The following GOT1 variants were observed in gnomAD, a reference collection of about 807,000 sequenced individuals.
GOT1 encodes aspartate aminotransferase, cytoplasmic.
Under a neutral mutation model 48.2 loss-of-function variants are expected in GOT1, and 25 were observed. The observed-to-expected ratio is 0.52, with a 90% confidence interval of 0.38 to 0.72. The LOEUF (loss-of-function observed/expected upper bound fraction) is 0.72. GOT1 is among the 30% of genes least tolerant of loss of function. The pLI, the probability that GOT1 is intolerant of heterozygous loss-of-function variation, is 0.00. For missense variants in GOT1, 380 were observed against 520.1 expected (o/e 0.73, Z 2.62); for synonymous variants, 188 against 193.8 (o/e 0.97, Z 0.25).
intron 7 of GOT1, among the ~76,000 whole-genome samples, chr10:99,403,106 TG>T (rs10716499): frequency 0.034 from 5,122 of 152,318 alleles, 300 homozygotes; most frequent in African/African-American, 0.12. Flanking sequence ...ATAAAGTGTA[TG>T]TAAATTACAG....
At chr10:99,426,932 A>G (rs2033044203) in intron 1 of GOT1, among the ~76,000 whole-genome samples, 1 of 152,184 alleles carries the variant, frequency 6.6e-6, no homozygotes, top group African/African-American at 2.4e-5. Flanking sequence ...CCTAAGGTCA[A>G]TGATTAATTA....
At chr10:99,424,602 A>C (rs2033014203) in intron 1 of GOT1, among the ~76,000 whole-genome samples, 1 of 152,246 alleles carries the variant, frequency 6.6e-6, no homozygotes, top group Non-Finnish European at 1.5e-5. Flanking sequence ...CTATGAATAA[A>C]TAAAATATGA....
intron 8 of GOT1, among the ~76,000 whole-genome samples, chr10:99,399,666 C>T (rs751500673): frequency 1.9e-4 from 29 of 151,962 alleles, no homozygotes; most frequent in Non-Finnish European, 3.2e-4. Context: ...CCAGGTACTA[C>T]GAAGGCTGAG....
intron 8 of GOT1, among the ~76,000 whole-genome samples, chr10:99,398,352 A>C (rs545755268): frequency 6.6e-5 from 10 of 152,306 alleles, no homozygotes; most frequent in Admixed American, 2.6e-4. Context: ...CAGTTTTGCT[A>C]TTTGGCAAAT....
intron 2 of GOT1, 186 bp downstream of exon 2, chr10:99,420,438 G>A (rs773401472): frequency 1.8e-6 from 1 of 551,482 alleles, no homozygotes; most frequent in Non-Finnish European, 3.2e-6. Context: ...CTGAACAAGT[G>A]AAAAAGCCGT....
intron 2 of GOT1, among the ~76,000 whole-genome samples, chr10:99,408,619 T>C (rs2134100215): frequency 6.6e-6 from 1 of 152,290 alleles, no homozygotes; most frequent in South Asian, 2.1e-4. Context: ...CTCGGGAGGC[T>C]GAGACGTGAG....
chr10:99,420,891 A>T, intron 1 of GOT1, 86 bp from the exon 2 acceptor site: 1 of 1,075,572 alleles, frequency 9.3e-7, no homozygotes, highest in Non-Finnish European at 1.4e-6. Context: ...GGAGAATCCC[A>T]CCACCTTCCG....
At chr10:99,403,699 T>C in intron 6 of GOT1, 25 bp downstream of exon 6, 1 of 1,613,806 alleles carries the variant, frequency 6.2e-7, no homozygotes, top group Non-Finnish European at 8.5e-7. Context: ...GAGGTGGGGC[T>C]GTAACTCCTC....
chr10:99,401,439 T>C (rs1476838913), intron 8 of GOT1, among the ~76,000 whole-genome samples: 2 of 152,184 alleles, frequency 1.3e-5, no homozygotes. Flanking sequence ...CCTCTGCCGT[T>C]CTGCCTACAA....
At chr10:99,411,560 C>G (rs1468993054) in intron 2 of GOT1, among the ~76,000 whole-genome samples, 1 of 152,358 alleles carries the variant, frequency 6.6e-6, no homozygotes, top group African/African-American at 2.4e-5. Context: ...ACTGTATCCA[C>G]TCCTAGAATT....
At chr10:99,420,558 CTG>C in intron 2 of GOT1, 64 bp downstream of exon 2, 1 of 1,223,196 alleles carries the variant, frequency 8.2e-7, no homozygotes, top group Non-Finnish European at 1.2e-6. Flanking sequence ...TTTAAACAAA[CTG>C]TATTCTCAAC....
rs1171081095 is a variant in GOT1 at position 99,406,155 on chromosome 10, G to A, written c.519C>T (p.Gly173=). Residue 173 remains glycine, a synonymous_variant, in exon 4 of 9, where the codon GGC becomes GGT. Transcript: ENST00000370508. The part of the protein sequence containing the change: ...DAEKRGLDLQ[G]FLNDLENAPE... ...CACCCACCTCCAGATCATTCAGGAAGCCCTGGAGGTCCAATCCTCTCTTCT... is the reference window on the plus strand; with the variant it reads ...CACCCACCTCCAGATCATTCAGGAAACCCTGGAGGTCCAATCCTCTCTTCT... 6.2e-7 allele frequency: 1 copy of A among 1,607,222 alleles called. No individual in the cohort carries two copies. The highest frequency in any genetic ancestry group is 8.5e-7 in the Non-Finnish European group (1 of 1,173,706).
chr10:99,407,599 AT>A (rs1564970578), intron 2 of GOT1, among the ~76,000 whole-genome samples: 1 of 151,560 alleles, frequency 6.6e-6, no homozygotes, highest in Non-Finnish European at 1.5e-5. Flanking sequence ...TGCCCGGCTA[AT>A]TTTTTGTATA....
chr10:99,397,116 G>C lies in GOT1; in HGVS notation c.*431C>G, dbSNP rs1336281410. The C allele has an allele frequency of 5.9e-6, 1 of 170,618 alleles. No individual in the cohort carries two copies. Among genetic ancestry groups the C allele is most frequent in the Non-Finnish European group, 1.3e-5 (1 of 77,930 alleles). The allele number at this position is 170,618 out of a possible 1,614,324, so 10.6% of individuals were successfully genotyped here. A position where few individuals can be genotyped will look rare whatever the true frequency, so the allele number is the denominator to read the frequency against. On this transcript the variant is annotated 3_prime_UTR_variant, in exon 9 of 9. Coordinates refer to ENST00000370508, the MANE Select transcript of GOT1 (RefSeq NM_002079.3). The surrounding 1 kb of genome is among the most constrained non-coding windows in gnomAD (Gnocchi z 5.4). ...AAGAGCAGGGAGACCAGACACTCTG[G>C]GTTGAGATGATGAATTTAATGCCGC...
chr10:99,402,435 G>A, intron 8 of GOT1, 145 bp downstream of exon 8: 1 of 816,500 alleles, frequency 1.2e-6, no homozygotes, highest in Non-Finnish European at 2.0e-6. Flanking sequence ...GACACCCTAA[G>A]AAAACCTAAC....
At chr10:99,404,008 A>T in intron 5 of GOT1, 134 bp from the exon 6 acceptor site, 1 of 740,448 alleles carries the variant, frequency 1.4e-6, no homozygotes, top group Non-Finnish European at 2.3e-6. Context: ...GACTATATGC[A>T]CCCAAGCTCC....
intron 2 of GOT1, among the ~76,000 whole-genome samples, chr10:99,408,286 C>CT (rs1366867242): frequency 6.6e-6 from 1 of 152,142 alleles, no homozygotes; most frequent in African/African-American, 2.4e-5. Flanking sequence ...AGTTCTCTGC[C>CT]TATAGATCTT....
At chr10:99,410,937 T>C (rs543826019) in intron 2 of GOT1, among the ~76,000 whole-genome samples, 1 of 152,330 alleles carries the variant, frequency 6.6e-6, no homozygotes, top group South Asian at 2.1e-4. Context: ...CATGTCAGCA[T>C]AAGATTGCTG....
chr10:99,400,963 G>A (rs914545806), intron 8 of GOT1, among the ~76,000 whole-genome samples: 1 of 151,948 alleles, frequency 6.6e-6, no homozygotes, highest in African/African-American at 2.4e-5. Context: ...AAAGTTGGGA[G>A]GAAAACAAAA....
Sources: gnomAD v4.1 joint callset for allele counts (sites outside exome capture counted in the v4.1 genomes callset) on GRCh38, gnomAD v4.1.1 for gene constraint, Gnocchi (gnomAD v3.1) non-coding constraint, MANE v1.5 for transcripts, NCBI Gene and HGNC (gene_info 2026-07-23, HGNC 2026-07-21) for gene names.